The following LRP1B variants were observed in gnomAD, a reference collection of about 807,000 sequenced individuals.
LRP1B encodes the protein low-density lipoprotein receptor-related protein 1B.
LRP1B carries 217 observed loss-of-function variants against 556.6 expected under a neutral mutation model. The observed-to-expected ratio is 0.39, with a 90% confidence interval of 0.35 to 0.44. LRP1B has a LOEUF of 0.44. Among genes scored for constraint, LRP1B ranks in the 20% least tolerant of loss-of-function variants. LRP1B has a pLI of 1.00. For missense variants in LRP1B, 5,053 were observed against 5,620.8 expected, an observed-to-expected ratio of 0.90 and a Z score of 3.23; for synonymous variants, 2,047 against 1,865.8, an observed-to-expected ratio of 1.10 and a Z score of -2.50.
intron 1 of LRP1B, among the ~76,000 whole-genome samples, chr2:141,974,543 A>C (rs1175039178): frequency 6.6e-6 from 1 of 152,044 alleles, no homozygotes; most frequent in Admixed American, 6.6e-5. Context: ...AGGAAAGGAG[A>C]AACTAGTTTG....
At chr2:140,757,048 G>A (rs1034400522) in intron 35 of LRP1B, among the ~76,000 whole-genome samples, 10 of 152,092 alleles carry the variant, frequency 6.6e-5, no homozygotes, top group African/African-American at 2.4e-4. Context: ...TGGCTAATAA[G>A]CACATTAAAA....
chr2:140,685,197 C>A lies in LRP1B; in HGVS notation c.6799+15053G>T, dbSNP rs151189714. The stretch of plus-strand genomic sequence containing the variant: ...TTTGAAGAAAGCAAGTACACCTGTT[C>A]TTCAAAATATATGTATGCTATGGTT... On this transcript the variant is annotated intron_variant, in intron 41 of 90. Coordinates refer to ENST00000389484, the MANE Select transcript of LRP1B (RefSeq NM_018557.3). 3.6e-3 allele frequency among the ~76,000 whole-genome samples: 544 copies of A among 152,224 alleles called. 8 individuals carry two copies. The highest frequency in any genetic ancestry group is 0.012 in the African/African-American group (519 of 41,560).
At chr2:141,260,093 C>T (rs1217803870) in intron 3 of LRP1B, among the ~76,000 whole-genome samples, 1 of 152,052 alleles carries the variant, frequency 6.6e-6, no homozygotes, top group African/African-American at 2.4e-5. Flanking sequence ...CTCTTGATGT[C>T]TCCTGGAGAA....
At chr2:141,000,087 TA>T (rs201804850) in intron 15 of LRP1B, among the ~76,000 whole-genome samples, 14,452 of 150,706 alleles carry the variant, frequency 0.096, 780 homozygotes, top group African/African-American at 0.13. Flanking sequence ...GCTCATTTTT[TA>T]TTTTCTTTTT....
chr2:142,100,181 G>A (rs142782077), intron 1 of LRP1B, among the ~76,000 whole-genome samples: 264 of 152,002 alleles, frequency 1.7e-3, no homozygotes, highest in African/African-American at 5.3e-3. Context: ...TTAGATCTAC[G>A]TTTGAAACCT....
chr2:140,427,888 G>C (rs12692052), intron 66 of LRP1B, among the ~76,000 whole-genome samples: 149,178 of 152,172 alleles, frequency 0.98, 73,178 homozygotes, highest in Middle Eastern at 1. Flanking sequence ...TTCCTCACAC[G>C]GGGTCCGGCT....
chr2:141,057,796 A>G (rs183494043), intron 9 of LRP1B, among the ~76,000 whole-genome samples: 2 of 151,924 alleles, frequency 1.3e-5, no homozygotes, highest in East Asian at 3.9e-4. Flanking sequence ...GTGAAAACCG[A>G]TTAATACAAT....
intron 43 of LRP1B, among the ~76,000 whole-genome samples, chr2:140,550,546 A>T (rs1680510930): frequency 6.6e-6 from 1 of 152,154 alleles, no homozygotes; most frequent in Admixed American, 6.6e-5. Flanking sequence ...GAAAAATTTT[A>T]TCAATGTAAG....
At chr2:142,011,414 C>G (rs1432126167) in intron 1 of LRP1B, among the ~76,000 whole-genome samples, 4 of 152,128 alleles carry the variant, frequency 2.6e-5, no homozygotes, top group Non-Finnish European at 5.9e-5. Context: ...GATACAATTT[C>G]TCACATCAGA....
chr2:141,099,750 T>C (rs184121186), intron 7 of LRP1B, among the ~76,000 whole-genome samples: 89 of 152,318 alleles, frequency 5.8e-4, no homozygotes, highest in African/African-American at 2.0e-3. Flanking sequence ...TCCACATGTG[T>C]AGTAAAAGAG....
At chr2:141,070,593 T>C (rs1260745076) in intron 7 of LRP1B, among the ~76,000 whole-genome samples, 1 of 151,654 alleles carries the variant, frequency 6.6e-6, no homozygotes. Flanking sequence ...ATCAACAAAA[T>C]TGATAGACCA....
At chr2:140,461,245 C>T (rs2105329166) in intron 60 of LRP1B, among the ~76,000 whole-genome samples, 1 of 152,042 alleles carries the variant, frequency 6.6e-6, no homozygotes, top group African/African-American at 2.4e-5. Flanking sequence ...TAATATCATT[C>T]TAAATTTGTT....
intron 32 of LRP1B, among the ~76,000 whole-genome samples, chr2:140,783,781 G>A (rs1689785524): frequency 6.6e-6 from 1 of 152,146 alleles, no homozygotes; most frequent in Admixed American, 6.5e-5. Context: ...ACACTGCCAA[G>A]GGAGTGTCTT....
rs138096843 is a variant in LRP1B, at chr2:141,834,067, G to C, written c.83-23666C>G. Among the ~76,000 whole-genome samples, 6 of 151,966 alleles carry C rather than the reference G, an allele frequency of 3.9e-5. No individual in the cohort carries two copies. In the East Asian group the frequency reaches 1.2e-3, roughly 29 times the overall value. On this transcript the variant is annotated intron_variant, in intron 1 of 90. Coordinates refer to ENST00000389484, the MANE Select transcript of LRP1B (RefSeq NM_018557.3). ...TCTCCAGTGAGTATTTCAAAACTAC[G>C]TGATTATAGGCGTGCCTGGTAGGGA...
Position 141,810,165 on chromosome 2 carries a change from G to GAAAGAA in LRP1B, c.205+113_205+114insTTCTTT. 1.4e-5 allele frequency: 5 copies of GAAAGAA among 365,312 alleles called. No homozygotes were observed. In the South Asian group the frequency reaches 3.5e-4, roughly 25 times the overall value. The allele number at this position is 365,312 out of a possible 1,614,324, so 22.6% of individuals were successfully genotyped here. ...AGAAAGAAAGAAAGAAAGAAAGAAAGAAGGAAAGAAAGAAAGAAAGAATCA... is the reference window on the plus strand; with the variant it reads ...AGAAAGAAAGAAAGAAAGAAAGAAAGAAAGAAAAGGAAAGAAAGAAAGAAAGAATCA... On this transcript the variant is annotated intron_variant, in intron 2 of 90. Coordinates refer to ENST00000389484, the MANE Select transcript of LRP1B (RefSeq NM_018557.3).
intron 43 of LRP1B, among the ~76,000 whole-genome samples, chr2:140,584,920 G>T (rs1005475364): frequency 6.6e-6 from 1 of 151,320 alleles, no homozygotes; most frequent in African/African-American, 2.4e-5. Flanking sequence ...TTTATTCAGA[G>T]CATCCTTTTT....
At chr2:140,650,000 A>G (rs373458409) in intron 41 of LRP1B, among the ~76,000 whole-genome samples, 4 of 152,198 alleles carry the variant, frequency 2.6e-5, no homozygotes, top group Non-Finnish European at 5.9e-5. Context: ...ACTTGTAAAC[A>G]AAGTTTAAAT....
intron 66 of LRP1B, among the ~76,000 whole-genome samples, chr2:140,428,521 A>G (rs1041363233): frequency 6.6e-6 from 1 of 151,994 alleles, no homozygotes; most frequent in Non-Finnish European, 1.5e-5. Flanking sequence ...GGACTGTTCA[A>G]CTCACCTGGC....
chr2:140,345,878 A>G (rs79659523), intron 77 of LRP1B, among the ~76,000 whole-genome samples: 1 of 140,360 alleles, frequency 7.1e-6, no homozygotes, highest in East Asian at 2.0e-4. Context: ...ATATATATAT[A>G]AAAAAAATAG....
Sources: gnomAD v4.1 joint callset for allele counts (sites outside exome capture counted in the v4.1 genomes callset) on GRCh38, gnomAD v4.1.1 for gene constraint, MANE v1.5 for transcripts, NCBI Gene and HGNC (gene_info 2026-07-23, HGNC 2026-07-21) for gene names.